KCNIP1: variants seen among roughly 807,000 people sequenced by gnomAD.
The protein encoded by KCNIP1 is A-type potassium channel modulatory protein KCNIP1.
A neutral mutation model predicts 33.0 loss-of-function variants in KCNIP1; 18 were observed. The ratio of observed to expected loss-of-function variants is 0.55; its 90% CI spans 0.38 to 0.81. KCNIP1 has a LOEUF of 0.81. KCNIP1 is among the 30% of genes least tolerant of loss of function. KCNIP1 has a pLI of 0.00. For synonymous variants in KCNIP1, 93 were observed against 98.3 expected (o/e 0.95, Z 0.32); for missense variants, 238 against 271.6 (o/e 0.88, Z 0.87).
intron 1 of KCNIP1, among the ~76,000 whole-genome samples, chr5:170,717,776 C>T (rs1291308024): frequency 6.6e-6 from 1 of 152,308 alleles, no homozygotes; most frequent in East Asian, 1.9e-4. Context: ...TGCATATTCC[C>T]AGCAGCCACC....
chr5:170,432,038 T>C (rs1401821365), intron 1 of KCNIP1, among the ~76,000 whole-genome samples: 3 of 146,878 alleles, frequency 2.0e-5, no homozygotes, highest in Admixed American at 6.7e-5. Flanking sequence ...CTCTTTCTCT[T>C]TTTTTTTTTT....
At chr5:170,538,170 GC>G (rs1756066650) in intron 1 of KCNIP1, among the ~76,000 whole-genome samples, 1 of 152,114 alleles carries the variant, frequency 6.6e-6, no homozygotes, top group Non-Finnish European at 1.5e-5. Flanking sequence ...CTATCCTCAT[GC>G]CCTCTCCAGT....
intron 1 of KCNIP1, among the ~76,000 whole-genome samples, chr5:170,589,927 A>G (rs1044375816): frequency 6.6e-6 from 1 of 152,164 alleles, no homozygotes; most frequent in South Asian, 2.1e-4. Flanking sequence ...GAGGGCCCAC[A>G]TCTCAGCCAA....
intron 1 of KCNIP1, among the ~76,000 whole-genome samples, chr5:170,443,942 T>C (rs1268122737): frequency 1.3e-5 from 2 of 152,240 alleles, no homozygotes; most frequent in Non-Finnish European, 2.9e-5. Context: ...TGCCAGGTTC[T>C]GGTGAGGACC....
chr5:170,722,983 G>A (rs923176882), intron 5 of KCNIP1, among the ~76,000 whole-genome samples, 163 bp downstream of exon 5: 5 of 152,160 alleles, frequency 3.3e-5, no homozygotes, highest in Non-Finnish European at 7.4e-5. Flanking sequence ...CTCCCTCATT[G>A]CCCTACCCTG....
At chr5:170,711,718 A>T (rs1763451224) in intron 1 of KCNIP1, among the ~76,000 whole-genome samples, 1 of 152,194 alleles carries the variant, frequency 6.6e-6, no homozygotes, top group African/African-American at 2.4e-5. Flanking sequence ...CAGCTCTAAA[A>T]ATAAAGTATA....
At chr5:170,482,435 A>C (rs1465805701) in intron 1 of KCNIP1, among the ~76,000 whole-genome samples, 7 of 152,194 alleles carry the variant, frequency 4.6e-5, no homozygotes, top group African/African-American at 1.4e-4. Flanking sequence ...GGCCTTTTGC[A>C]GCTATTATAT....
chr5:170,586,146 TAA>T (rs1439293409), intron 1 of KCNIP1, among the ~76,000 whole-genome samples: 2 of 152,226 alleles, frequency 1.3e-5, no homozygotes, highest in African/African-American at 4.8e-5. Flanking sequence ...ATTATGAGTG[TAA>T]AGAGTTTGTC....
intron 1 of KCNIP1, among the ~76,000 whole-genome samples, chr5:170,433,289 C>T (rs547913513): frequency 6.6e-5 from 10 of 152,206 alleles, no homozygotes; most frequent in South Asian, 6.2e-4. Flanking sequence ...TGGGTTCGGG[C>T]GATTCTCCTG....
chr5:170,683,894 A>ATGTGTGTG (rs1168722972), intron 1 of KCNIP1, among the ~76,000 whole-genome samples: 2,150 of 91,590 alleles, frequency 0.023, 21 homozygotes, highest in Middle Eastern at 0.041. Flanking sequence ...CAGCTAGTGT[A>ATGTGTGTG]TGTGTGTGTG....
chr5:170,426,274 A>AAC (rs1554091618), intron 1 of KCNIP1, among the ~76,000 whole-genome samples: 1 of 56,712 alleles, frequency 1.8e-5, no homozygotes. Flanking sequence ...CACACACACA[A>AAC]ACACACACAC....
chr5:170,535,998 T>C (rs981946946), intron 1 of KCNIP1, among the ~76,000 whole-genome samples: 14 of 152,216 alleles, frequency 9.2e-5, no homozygotes, highest in African/African-American at 3.1e-4. Flanking sequence ...AATACCTACA[T>C]GGTTGTCTTG....
chr5:170,679,591 A>G (rs543938998), intron 1 of KCNIP1, among the ~76,000 whole-genome samples: 1 of 148,566 alleles, frequency 6.7e-6, no homozygotes, highest in Non-Finnish European at 1.5e-5. Context: ...CTCAATTATT[A>G]GTGTATCCTT....
chr5:170,585,209 C>T (rs894365027), intron 1 of KCNIP1, among the ~76,000 whole-genome samples: 1 of 152,026 alleles, frequency 6.6e-6, no homozygotes. Context: ...TAGCTCTGGC[C>T]CAATTAAGCT....
chr5:170,589,316 A>G (rs544679419), intron 1 of KCNIP1, among the ~76,000 whole-genome samples: 3 of 152,292 alleles, frequency 2.0e-5, no homozygotes, highest in Admixed American at 6.5e-5. Flanking sequence ...TCATACTTTC[A>G]TGTTAGCATT....
chr5:170,588,596 A>AC (rs1758087514), intron 1 of KCNIP1, among the ~76,000 whole-genome samples: 1 of 151,986 alleles, frequency 6.6e-6, no homozygotes, highest in South Asian at 2.1e-4. Context: ...GAGAGAGCCC[A>AC]CCCCTCGCCT....
intron 1 of KCNIP1, among the ~76,000 whole-genome samples, chr5:170,567,813 C>G (rs1043439683): frequency 1.2e-4 from 18 of 152,212 alleles, no homozygotes; most frequent in African/African-American, 4.3e-4. Context: ...TTGGCCCCCA[C>G]AGTCAGGAGC....
Position 170,504,568 on chromosome 5 carries a change from C to T in KCNIP1, c.-5C>T, listed in dbSNP as rs1754632023. The T allele has an allele frequency of 6.2e-7, 1 of 1,613,296 alleles. No individual in the cohort carries two copies. The highest frequency in any genetic ancestry group is 1.3e-5 in the African/African-American group (1 of 74,934). On this transcript the variant is annotated 5_prime_UTR_variant, in exon 1 of 8. Coordinates refer to ENST00000328939, the MANE Select transcript of KCNIP1 (RefSeq NM_014592.4). This position sits in a 1 kb window ranked among gnomAD's most constrained non-coding sequence, Gnocchi z 6.0. ...GTCCCAACTCGCACTCAAGTCTTCG[C>T]TGCCATGGGGGCCGTCATGGGCACC...
At chr5:170,402,269 A>G (rs575179652) in intron 1 of KCNIP1, among the ~76,000 whole-genome samples, 1 of 152,176 alleles carries the variant, frequency 6.6e-6, no homozygotes, top group Non-Finnish European at 1.5e-5. Flanking sequence ...TTGGACATGG[A>G]CATATCTTTT....
Sources: gnomAD v4.1 joint callset for allele counts (sites outside exome capture counted in the v4.1 genomes callset) on GRCh38, gnomAD v4.1.1 for gene constraint, Gnocchi (gnomAD v3.1) non-coding constraint, MANE v1.5 for transcripts, NCBI Gene and HGNC (gene_info 2026-07-23, HGNC 2026-07-21) for gene names.